The following CBLB variants were observed in gnomAD, a reference collection of about 807,000 sequenced individuals.
The protein encoded by CBLB is Cbl proto-oncogene B.
A neutral mutation model predicts 104.9 loss-of-function variants in CBLB; 31 were observed. That is an observed-to-expected ratio of 0.30 (90% confidence interval 0.22 to 0.40). CBLB has a LOEUF of 0.40. Ranked by LOEUF, CBLB falls within the 10% of genes least tolerant of loss-of-function variation. The pLI, the probability that CBLB is intolerant of heterozygous loss-of-function variation, is 1.00. For synonymous variants in CBLB, 440 were observed against 422.6 expected (o/e 1.04, Z -0.51); for missense variants, 1,062 against 1,214.6 (o/e 0.87, Z 1.87).
At chr3:105,774,893 A>G (rs2079272908) in intron 4 of CBLB, among the ~76,000 whole-genome samples, 2 of 152,324 alleles carry the variant, frequency 1.3e-5, no homozygotes, top group South Asian at 4.1e-4. Flanking sequence ...AAACTTTAAG[A>G]GAAAGTTTAT....
At chr3:105,845,235 G>A (rs2090081614) in intron 3 of CBLB, among the ~76,000 whole-genome samples, 1 of 151,250 alleles carries the variant, frequency 6.6e-6, no homozygotes, top group Admixed American at 6.6e-5. Context: ...CATCTGTGGG[G>A]GAAAAAAGTC....
At position 105,702,266 on chromosome 3, in the gene CBLB, C is replaced by G; in HGVS notation, c.1787G>C (p.Arg596Pro). 6.2e-7 allele frequency: 1 copy of G among 1,613,928 alleles called. No individual in the cohort carries two copies. The highest frequency in any genetic ancestry group is 8.5e-7 in the Non-Finnish European group (1 of 1,179,970). ...PPMPLEAWCP[R>P]DVFGTNQLVG... ...AAGCTGATTAGTCCCAAACACATCCCGAGGGCACCATGCTTCAAGAGGCAT... is the reference window on the plus strand; with the variant it reads ...AAGCTGATTAGTCCCAAACACATCCGGAGGGCACCATGCTTCAAGAGGCAT... Residue 596 changes from arginine to proline, a missense_variant, in exon 12 of 19, where the codon CGG (arginine) becomes CCG (proline). Physicochemically the swap from Arg to Pro is moderately radical, Grantham distance 103 (BLOSUM62 -2). Coordinates refer to ENST00000394030, the MANE Select transcript of CBLB (RefSeq NM_170662.5).
At chr3:105,677,719 T>C (rs2065824789) in intron 17 of CBLB, among the ~76,000 whole-genome samples, 1 of 151,016 alleles carries the variant, frequency 6.6e-6, no homozygotes, top group Non-Finnish European at 1.5e-5. Context: ...AGATAGTTTA[T>C]TAAGTCTTCA....
chr3:105,820,098 G>A (rs1354012762), intron 3 of CBLB, among the ~76,000 whole-genome samples: 1 of 152,156 alleles, frequency 6.6e-6, no homozygotes, highest in African/African-American at 2.4e-5. Flanking sequence ...CCATCTGGGG[G>A]TGATGGGACA....
intron 5 of CBLB, among the ~76,000 whole-genome samples, chr3:105,748,960 T>C (rs2076360130): frequency 6.6e-6 from 1 of 152,168 alleles, no homozygotes; most frequent in Admixed American, 6.6e-5. Context: ...AATTAACTAC[T>C]AATATCATGG....
rs780577172 is a variant in CBLB, at chr3:105,693,497, A to G, written c.2051T>C (p.Ile684Thr). ...PPPVTTLLPS[I>T]KCTGPLANSL... ...CTCCAAATTCAACAAAACTCACTTT[A>G]TGCTAGGGAGGAGGGTGGTAACTGG... is the stretch of plus-strand genomic sequence containing the variant. The change falls in exon 13 of 19, where the codon ATA (isoleucine) becomes ACA (threonine). Residue 684 changes from isoleucine (I) to threonine (T), a missense_variant. Around this residue, in one of 2 missense-constraint regions of CBLB, gnomAD observed 605 missense variants for 582.6 expected, o/e 1.04. Coordinates refer to ENST00000394030, the MANE Select transcript of CBLB (RefSeq NM_170662.5). The G allele has an allele frequency of 6.2e-7, 1 of 1,603,926 alleles. No individual in the cohort carries two copies. The highest frequency in any genetic ancestry group is 8.5e-7 in the Non-Finnish European group (1 of 1,171,296).
intron 3 of CBLB, among the ~76,000 whole-genome samples, chr3:105,802,795 AAG>A: frequency 6.6e-6 from 1 of 152,178 alleles, no homozygotes; most frequent in Non-Finnish European, 1.5e-5. Context: ...AAACATTTAG[AAG>A]ACACTTAATT....
In CBLB at chr3:105,702,259, C is replaced by T. The variant is rs1216836175; in HGVS notation, c.1794G>A (p.Val598=). 6.2e-7 allele frequency: 1 copy of T among 1,613,920 alleles called. No homozygotes were observed. Among genetic ancestry groups the T allele is most frequent in the Non-Finnish European group, 8.5e-7 (1 of 1,180,008 alleles). The change falls in exon 12 of 19, where the codon GTG becomes GTA. Residue 598 remains valine, a synonymous_variant. Transcript: ENST00000394030. ...MPLEAWCPRD[V]FGTNQLVGCR... Reference sequence around the variant, plus strand: ...ATCCCACAAGCTGATTAGTCCCAAACACATCCCGAGGGCACCATGCTTCAA... The same window carrying T: ...ATCCCACAAGCTGATTAGTCCCAAATACATCCCGAGGGCACCATGCTTCAA...
intron 3 of CBLB, among the ~76,000 whole-genome samples, chr3:105,804,307 C>T (rs1210828576): frequency 6.7e-6 from 1 of 149,752 alleles, no homozygotes; most frequent in Non-Finnish European, 1.5e-5. Flanking sequence ...GATCACAAGG[C>T]CAGGAGTTCA....
At chr3:105,679,723 C>A (rs1662615212) in intron 16 of CBLB, among the ~76,000 whole-genome samples, 1 of 151,802 alleles carries the variant, frequency 6.6e-6, no homozygotes, top group Non-Finnish European at 1.5e-5. Context: ...CTGCAGTGAG[C>A]CACGATCGTG....
chr3:105,684,353 T>C (rs1015799779), intron 14 of CBLB, among the ~76,000 whole-genome samples: 1 of 152,280 alleles, frequency 6.6e-6, no homozygotes, highest in Non-Finnish European at 1.5e-5. Context: ...CCAGAAATAA[T>C]AGATTTCAGT....
At chr3:105,848,175 G>A (rs1232167595) in intron 3 of CBLB, among the ~76,000 whole-genome samples, 1 of 151,864 alleles carries the variant, frequency 6.6e-6, no homozygotes, top group Non-Finnish European at 1.5e-5. Context: ...GAAAGAAAAA[G>A]AACAAAACAA....
At chr3:105,862,278 T>C (rs1391568132) in intron 2 of CBLB, among the ~76,000 whole-genome samples, 1 of 152,202 alleles carries the variant, frequency 6.6e-6, no homozygotes, top group Non-Finnish European at 1.5e-5. Context: ...TTAAATGAAA[T>C]TCACTCTGGT....
At chr3:105,675,187 A>G (rs946927227) in intron 17 of CBLB, among the ~76,000 whole-genome samples, 15 of 152,204 alleles carry the variant, frequency 9.9e-5, no homozygotes, top group African/African-American at 3.4e-4. Flanking sequence ...CCAAATCTCA[A>G]TAATGTTTAG....
intron 3 of CBLB, among the ~76,000 whole-genome samples, chr3:105,819,366 A>C (rs1370388842): frequency 2.0e-5 from 3 of 152,126 alleles, no homozygotes; most frequent in African/African-American, 7.2e-5. Context: ...ACATGCCTAT[A>C]GTCTCAGCTA....
At chr3:105,664,123 T>C (rs62263054) in intron 18 of CBLB, among the ~76,000 whole-genome samples, 27,038 of 152,062 alleles carry the variant, frequency 0.18, 2,822 homozygotes, top group East Asian at 0.52. Context: ...GAAAGATGTG[T>C]CTAATAAGCA....
intron 6 of CBLB, among the ~76,000 whole-genome samples, chr3:105,741,197 T>G (rs2075529129): frequency 6.6e-6 from 1 of 151,222 alleles, no homozygotes. Flanking sequence ...TTAGTTTGTT[T>G]GTTTTTTTTG....
chr3:105,812,681 C>A (rs1182170511), intron 3 of CBLB, among the ~76,000 whole-genome samples: 1 of 152,082 alleles, frequency 6.6e-6, no homozygotes, highest in Non-Finnish European at 1.5e-5. Context: ...GATGAAGATA[C>A]AAAAGTAAGA....
At chr3:105,804,300 C>T (rs1278737325) in intron 3 of CBLB, among the ~76,000 whole-genome samples, 1 of 150,128 alleles carries the variant, frequency 6.7e-6, no homozygotes, top group Non-Finnish European at 1.5e-5. Flanking sequence ...GCGGGTGGAT[C>T]ACAAGGCCAG....
Sources: allele counts gnomAD v4.1 joint callset (sites outside exome capture counted in the v4.1 genomes callset), GRCh38; gene constraint gnomAD v4.1.1; regional missense constraint gnomAD v4.1.1; transcripts MANE v1.5; gene names NCBI Gene and HGNC (gene_info 2026-07-23, HGNC 2026-07-21).